The following MSH3 variants were observed in gnomAD, a reference collection of about 807,000 sequenced individuals.
MSH3 encodes the protein mutS homolog 3, also known as DNA mismatch repair protein Msh3.
Under a neutral mutation model 123.3 loss-of-function variants are expected in MSH3, and 106 were observed. The ratio of observed to expected loss-of-function variants is 0.86; its 90% CI spans 0.73 to 1.01. The LOEUF (loss-of-function observed/expected upper bound fraction) is 1.01, where lower values mean the gene tolerates loss of function less well. Ranked by LOEUF, MSH3 falls within the 50% of genes least tolerant of loss-of-function variation. MSH3 has a pLI of 0.00. For missense variants in MSH3, 1,459 were observed against 1,347.6 expected (o/e 1.08, Z -1.29); for synonymous variants, 515 against 481.4 (o/e 1.07, Z -0.91).
Position 80,873,183 on chromosome 5 carries a change from G to T in MSH3, c.3198G>T (p.Arg1066Ser), listed in dbSNP as rs776035988. 7.4e-6 allele frequency: 12 copies of T among 1,613,864 alleles called. No individual in the cohort carries two copies. The highest frequency in any genetic ancestry group is 1.7e-5 in the Admixed American group (1 of 60,014). Reference sequence around the variant, plus strand: ...AAATAACTAGAGGAATTGCAGCAAGGAGTTATGGATTAAATGTGGCTAAAC... The same window carrying T: ...AAATAACTAGAGGAATTGCAGCAAGTAGTTATGGATTAAATGTGGCTAAAC... Reference protein sequence around the residue: ...LYQITRGIAARSYGLNVAKLA... With the variant: ...LYQITRGIAASSYGLNVAKLA... Residue 1066 changes from arginine (R) to serine (S), a missense_variant, in exon 23 of 24, where the codon AGG becomes AGT. Arg to Ser is a moderately radical substitution (Grantham distance 110, BLOSUM62 -1). Coordinates refer to ENST00000265081, the MANE Select transcript of MSH3 (RefSeq NM_002439.5).
chr5:80,864,991 TAACTC>T, intron 22 of MSH3, 49 bp downstream of exon 22: 4 of 1,583,996 alleles, frequency 2.5e-6, no homozygotes, highest in Admixed American at 1.7e-5. Context: ...TCATGTTTGA[TAACTC>T]AAAGTTTGTT....
intron 12 of MSH3, among the ~76,000 whole-genome samples, chr5:80,753,736 G>A (rs1237879047): frequency 6.6e-6 from 1 of 151,966 alleles, no homozygotes; most frequent in African/African-American, 2.4e-5. Context: ...TTGGGGGGTG[G>A]GGTGAGACTC....
chr5:80,779,143 CCACTACACCCAG>C lies in MSH3; in HGVS notation c.2435+309_2435+320del, dbSNP rs1580046199. On this transcript the variant is annotated intron_variant, in intron 17 of 23. Transcript: ENST00000265081. The stretch of plus-strand genomic sequence containing the variant: ...GAGTAGCTGGGATTACAGGCACCCA[CCACTACACCCAG>C]CTAATTTTTGTATTTTTAGTAGAGA... 2.0e-5 allele frequency among the ~76,000 whole-genome samples: 3 copies of C among 152,104 alleles called. No individual in the cohort carries two copies. In the East Asian group the frequency reaches 5.8e-4, roughly 29 times the overall value.
chr5:80,797,352 C>T (rs1207642575), intron 19 of MSH3, among the ~76,000 whole-genome samples: 1 of 152,198 alleles, frequency 6.6e-6, no homozygotes, highest in African/African-American at 2.4e-5. Flanking sequence ...AGTTCTCTGG[C>T]ACATAGCTGG....
chr5:80,762,945 T>C (rs1580029060), intron 13 of MSH3, among the ~76,000 whole-genome samples: 1 of 151,712 alleles, frequency 6.6e-6, no homozygotes. Flanking sequence ...CTCCCAGGTT[T>C]AATCGATTCT....
intron 3 of MSH3, among the ~76,000 whole-genome samples, chr5:80,668,873 C>G (rs1580549259): frequency 1.3e-5 from 2 of 152,306 alleles, no homozygotes. Flanking sequence ...GCGTGAGGCT[C>G]TCACCCTGCC....
chr5:80,783,340 A>G (rs142051902), intron 17 of MSH3, among the ~76,000 whole-genome samples: 36 of 152,244 alleles, frequency 2.4e-4, no homozygotes, highest in Admixed American at 9.8e-4. Context: ...TGCATTGACC[A>G]TTTTTCAGCT....
intron 8 of MSH3, among the ~76,000 whole-genome samples, chr5:80,715,605 A>G (rs2112848119): frequency 6.6e-6 from 1 of 152,190 alleles, no homozygotes; most frequent in East Asian, 1.9e-4. Flanking sequence ...GGTAATTTAT[A>G]AAGAAAAGAG....
At chr5:80,848,254 C>T (rs1212612066) in intron 20 of MSH3, among the ~76,000 whole-genome samples, 2 of 152,078 alleles carry the variant, frequency 1.3e-5, no homozygotes, top group African/African-American at 4.8e-5. Context: ...AAAATAAAAG[C>T]TTGGTCCTAT....
chr5:80,806,682 A>G lies in MSH3; in HGVS notation c.2656-6902A>G, dbSNP rs78423472. On this transcript the variant is annotated intron_variant, in intron 19 of 23. Coordinates refer to ENST00000265081, the MANE Select transcript of MSH3 (RefSeq NM_002439.5). Reference sequence around the variant, plus strand: ...AGTTCTCCCCTCCTATTCTCCTAATAGAATTCCTAATTTCTATTTAGCTTT... The same window carrying G: ...AGTTCTCCCCTCCTATTCTCCTAATGGAATTCCTAATTTCTATTTAGCTTT... Among the ~76,000 whole-genome samples the G allele has an allele frequency of 5.1e-3, 774 of 152,200 alleles. 4 individuals are homozygous for G. Among genetic ancestry groups the G allele is most frequent in the African/African-American group, 0.018 (738 of 41,534 alleles).
At chr5:80,816,946 A>G (rs1745111349) in intron 20 of MSH3, among the ~76,000 whole-genome samples, 1 of 152,210 alleles carries the variant, frequency 6.6e-6, no homozygotes, top group African/African-American at 2.4e-5. Flanking sequence ...TATAGTAGGC[A>G]GTGGATATAA....
intron 19 of MSH3, among the ~76,000 whole-genome samples, chr5:80,797,576 G>A (rs552151441): frequency 3.9e-5 from 6 of 152,320 alleles, no homozygotes; most frequent in Admixed American, 2.6e-4. Flanking sequence ...ATACTTCTGA[G>A]TAAACTATGG....
chr5:80,765,787 G>A (rs528597797), intron 13 of MSH3, among the ~76,000 whole-genome samples: 9 of 152,004 alleles, frequency 5.9e-5, no homozygotes, highest in Non-Finnish European at 8.8e-5. Context: ...CTTCCTCTTC[G>A]TTTATTTCTT....
intron 20 of MSH3, among the ~76,000 whole-genome samples, chr5:80,819,446 A>ATGTGTGTGTGTGTG (rs35865568): frequency 1.5e-5 from 2 of 136,786 alleles, no homozygotes; most frequent in African/African-American, 5.4e-5. Flanking sequence ...ATATATGTAT[A>ATGTGTGTGTGTGTG]TGTGTGTGTG....
At chr5:80,671,546 G>C (rs927121331) in intron 4 of MSH3, among the ~76,000 whole-genome samples, 2 of 152,206 alleles carry the variant, frequency 1.3e-5, no homozygotes, top group African/African-American at 4.8e-5. Flanking sequence ...GAGAGAAACT[G>C]TCTAGGTTAA....
intron 20 of MSH3, among the ~76,000 whole-genome samples, chr5:80,815,652 G>C (rs1745088601): frequency 6.6e-6 from 1 of 152,130 alleles, no homozygotes; most frequent in Non-Finnish European, 1.5e-5. Flanking sequence ...AAAAGGAGAA[G>C]GGACTGCCAT....
At chr5:80,702,757 A>G (rs1750639464) in intron 8 of MSH3, among the ~76,000 whole-genome samples, 1 of 152,130 alleles carries the variant, frequency 6.6e-6, no homozygotes, top group Non-Finnish European at 1.5e-5. Context: ...CACGCCTGTA[A>G]TCCCAGTACT....
chr5:80,735,416 T>C (rs1475640450), intron 10 of MSH3, among the ~76,000 whole-genome samples: 1 of 143,676 alleles, frequency 7.0e-6, no homozygotes, highest in Non-Finnish European at 1.5e-5. Context: ...TTGAGCACAG[T>C]GGCTCAACGC....
intron 22 of MSH3, among the ~76,000 whole-genome samples, chr5:80,872,408 C>T (rs1207316862): frequency 6.6e-6 from 1 of 152,118 alleles, no homozygotes; most frequent in Non-Finnish European, 1.5e-5. Context: ...ATTGAGACTG[C>T]CAGTGAGCTG....
Sources: gnomAD v4.1 joint callset for allele counts (sites outside exome capture counted in the v4.1 genomes callset) on GRCh38, gnomAD v4.1.1 for gene constraint, MANE v1.5 for transcripts, NCBI Gene and HGNC (gene_info 2026-07-23, HGNC 2026-07-21) for gene names.